The following SLC24A3 variants were observed in gnomAD, a reference collection of about 807,000 sequenced individuals.
SLC24A3 encodes solute carrier family 24 member 3.
In SLC24A3, 28 loss-of-function variants were observed where a neutral mutation model predicts 75.8. The ratio of observed to expected loss-of-function variants is 0.37; its 90% CI spans 0.27 to 0.51. The LOEUF is 0.51. Ranked by LOEUF, SLC24A3 falls within the 20% of genes least tolerant of loss-of-function variation. SLC24A3 has a pLI of 0.94. For missense variants in SLC24A3, 663 were observed against 847.8 expected (o/e 0.78, Z 2.71); for synonymous variants, 372 against 334.1 (o/e 1.11, Z -1.24).
chr20:19,563,086 C>T (rs1295027154), intron 3 of SLC24A3, among the ~76,000 whole-genome samples: 1 of 152,060 alleles, frequency 6.6e-6, no homozygotes, highest in Non-Finnish European at 1.5e-5. Context: ...ACTTGGATCT[C>T]CACGTGACAG....
At chr20:19,264,518 A>G (rs1983098759) in intron 1 of SLC24A3, among the ~76,000 whole-genome samples, 1 of 152,042 alleles carries the variant, frequency 6.6e-6, no homozygotes, top group African/African-American at 2.4e-5. Flanking sequence ...TGAGCTCAGG[A>G]GTTCGCGACC....
intron 1 of SLC24A3, 125 bp downstream of exon 1, chr20:19,213,109 G>A (rs1981453434): frequency 9.5e-6 from 10 of 1,055,652 alleles, no homozygotes; most frequent in Non-Finnish European, 1.2e-5. Flanking sequence ...CTGGGTTGGC[G>A]GGGGGAGTGG....
At chr20:19,299,656 A>G (rs1050626989) in intron 2 of SLC24A3, among the ~76,000 whole-genome samples, 3 of 152,216 alleles carry the variant, frequency 2.0e-5, no homozygotes, top group African/African-American at 7.2e-5. Flanking sequence ...CCTGGAACTT[A>G]TGTAAACGCA....
chr20:19,689,409 C>T (rs767591656), intron 12 of SLC24A3, among the ~76,000 whole-genome samples: 7 of 152,184 alleles, frequency 4.6e-5, no homozygotes, highest in East Asian at 1.9e-4. Context: ...ATCATGCTTA[C>T]GGGCCAGCTC....
chr20:19,665,506 T>G (rs1228093106), intron 7 of SLC24A3, among the ~76,000 whole-genome samples: 1 of 152,210 alleles, frequency 6.6e-6, no homozygotes, highest in Non-Finnish European at 1.5e-5. Flanking sequence ...TACATCCCCT[T>G]GCAGATCTAA....
intron 1 of SLC24A3, among the ~76,000 whole-genome samples, chr20:19,248,940 A>T (rs1038084254): frequency 2.7e-5 from 4 of 150,510 alleles, no homozygotes; most frequent in African/African-American, 9.8e-5. Flanking sequence ...AAATAACCAG[A>T]CACATAGAAG....
chr20:19,474,640 A>G (rs927952714), intron 2 of SLC24A3, among the ~76,000 whole-genome samples: 1 of 152,210 alleles, frequency 6.6e-6, no homozygotes, highest in African/African-American at 2.4e-5. Flanking sequence ...AGGGGGTGCA[A>G]CAAGATGTTT....
intron 3 of SLC24A3, among the ~76,000 whole-genome samples, chr20:19,532,590 C>A (rs866873500): frequency 1.3e-5 from 2 of 152,176 alleles, no homozygotes; most frequent in East Asian, 3.9e-4. Flanking sequence ...ACCAAGCATC[C>A]GTTTTGCTAC....
At chr20:19,578,332 CGTGTGTGTGTGCAT>C (rs1468331352) in intron 3 of SLC24A3, among the ~76,000 whole-genome samples, 144 of 151,066 alleles carry the variant, frequency 9.5e-4, no homozygotes, top group Admixed American at 2.1e-3. Context: ...TGTATGCATG[CGTGTGTGTGTGCAT>C]GTGTGTGTGT....
chr20:19,371,422 G>A (rs1181543391), intron 2 of SLC24A3, among the ~76,000 whole-genome samples: 1 of 152,146 alleles, frequency 6.6e-6, no homozygotes, highest in Non-Finnish European at 1.5e-5. Flanking sequence ...GGAACAGCTG[G>A]GAGCACTGAG....
At chr20:19,694,130 A>G (rs941046681) in intron 13 of SLC24A3, 1 of 152,252 alleles carries the variant, frequency 6.6e-6, no homozygotes, top group African/African-American at 2.4e-5. Flanking sequence ...ATTGACTGAT[A>G]TTAGTTGATT....
intron 2 of SLC24A3, among the ~76,000 whole-genome samples, chr20:19,328,289 G>C (rs1233304347): frequency 1.3e-5 from 2 of 152,176 alleles, no homozygotes; most frequent in African/African-American, 2.4e-5. Context: ...TTGGGGGCTG[G>C]TGGAGGTCTT....
chr20:19,686,922 T>A (rs1356830413), intron 12 of SLC24A3, among the ~76,000 whole-genome samples: 1 of 152,246 alleles, frequency 6.6e-6, no homozygotes, highest in East Asian at 1.9e-4. Flanking sequence ...ATCAGATATA[T>A]TTCTTGGCAA....
intron 1 of SLC24A3, among the ~76,000 whole-genome samples, chr20:19,262,888 TTA>T (rs1206628657): frequency 1.3e-5 from 2 of 151,988 alleles, no homozygotes; most frequent in Admixed American, 1.3e-4. Context: ...GCGTGTGTCC[TTA>T]TAGTCACAAT....
chr20:19,632,939 A>G (rs2031952619), intron 6 of SLC24A3, among the ~76,000 whole-genome samples: 1 of 152,254 alleles, frequency 6.6e-6, no homozygotes, highest in African/African-American at 2.4e-5. Flanking sequence ...GTAAGCTCCT[A>G]CAAGATACGG....
intron 6 of SLC24A3, among the ~76,000 whole-genome samples, chr20:19,652,871 G>A (rs1157308107): frequency 6.6e-6 from 1 of 152,096 alleles, no homozygotes; most frequent in Non-Finnish European, 1.5e-5. Context: ...TCATTGCCAC[G>A]GCTGAGAGTG....
rs117026611 is a variant in SLC24A3 at position 19,554,075 on chromosome 20, G to A, written c.349-25925G>A. Among the ~76,000 whole-genome samples the A allele has an allele frequency of 6.4e-3, 970 of 152,178 alleles. 9 individuals carry two copies. Among genetic ancestry groups the A allele is most frequent in the Middle Eastern group, 0.031 (9 of 294 alleles). The stretch of plus-strand genomic sequence containing the variant: ...GAAATAACCCAGAGACTGGAAATTG[G>A]GTATCCTCTATCCAGTATGGTGGCC... On this transcript the variant is annotated intron_variant, in intron 3 of 16. Coordinates refer to ENST00000328041, the MANE Select transcript of SLC24A3 (RefSeq NM_020689.4).
intron 2 of SLC24A3, among the ~76,000 whole-genome samples, chr20:19,468,480 G>C (rs1447407842): frequency 6.6e-6 from 1 of 151,994 alleles, no homozygotes; most frequent in South Asian, 2.1e-4. Flanking sequence ...AGACCAGGAG[G>C]CTGGGAGATT....
intron 2 of SLC24A3, among the ~76,000 whole-genome samples, chr20:19,362,853 T>G (rs1400183362): frequency 6.6e-6 from 1 of 152,220 alleles, no homozygotes; most frequent in East Asian, 1.9e-4. Context: ...TAAGGTTGCC[T>G]TATGCTTTTG....
Sources: gnomAD v4.1 joint callset for allele counts (sites outside exome capture counted in the v4.1 genomes callset) on GRCh38, gnomAD v4.1.1 for gene constraint, MANE v1.5 for transcripts, NCBI Gene and HGNC (gene_info 2026-07-23, HGNC 2026-07-21) for gene names.